NEGR1: variants seen among roughly 807,000 people sequenced by gnomAD.
NEGR1 encodes IgLON family member 4.
NEGR1 carries 10 observed loss-of-function variants against 40.9 expected under a neutral mutation model. The observed-to-expected ratio is 0.24, with a 90% CI of 0.15 to 0.42. The LOEUF is 0.42. Ranked by LOEUF, NEGR1 falls within the 10% of genes least tolerant of loss-of-function variation. The pLI, the probability that NEGR1 is intolerant of heterozygous loss-of-function variation, is 1.00. For missense variants in NEGR1, 352 were observed against 438.9 expected (o/e 0.80, Z 1.77); for synonymous variants, 185 against 166.8 (o/e 1.11, Z -0.84).
At chr1:71,939,735 A>G (rs1018357528) in intron 1 of NEGR1, among the ~76,000 whole-genome samples, 17 of 152,084 alleles carry the variant, frequency 1.1e-4, no homozygotes, top group African/African-American at 3.9e-4. Flanking sequence ...ATTCATACAC[A>G]TAGCTACTTG....
At chr1:72,076,162 C>T (rs1647723811) in intron 1 of NEGR1, among the ~76,000 whole-genome samples, 1 of 152,036 alleles carries the variant, frequency 6.6e-6, no homozygotes, top group African/African-American at 2.4e-5. Flanking sequence ...ATATTTGTGT[C>T]CCTCCCAAAT....
intron 4 of NEGR1, among the ~76,000 whole-genome samples, chr1:71,655,676 G>A (rs1481438641): frequency 6.6e-6 from 1 of 152,098 alleles, no homozygotes; most frequent in Non-Finnish European, 1.5e-5. Flanking sequence ...GGGTTGCAGG[G>A]CAATAGATAG....
At chr1:71,857,759 C>G (rs1659826930) in intron 2 of NEGR1, among the ~76,000 whole-genome samples, 1 of 150,956 alleles carries the variant, frequency 6.6e-6, no homozygotes, top group East Asian at 1.9e-4. Context: ...TATCTTTTGA[C>G]TGTGATATAT....
At chr1:71,575,794 AAAAACAAAAC>A (rs147061004) in intron 6 of NEGR1, among the ~76,000 whole-genome samples, 5 of 151,178 alleles carry the variant, frequency 3.3e-5, no homozygotes, top group African/African-American at 1.2e-4. Context: ...AAACAAAAAC[AAAAACAAAAC>A]AAAACAAAAC....
At chr1:71,573,711 CTT>C (rs899517238) in intron 6 of NEGR1, among the ~76,000 whole-genome samples, 2 of 152,076 alleles carry the variant, frequency 1.3e-5, no homozygotes, top group African/African-American at 4.8e-5. Flanking sequence ...GTTGTAGTCT[CTT>C]ATATTTTTTA....
intron 6 of NEGR1, among the ~76,000 whole-genome samples, chr1:71,503,777 C>T (rs889993663): frequency 1.2e-4 from 18 of 151,986 alleles, no homozygotes; most frequent in Admixed American, 1.2e-3. Flanking sequence ...CCAGCTTTTA[C>T]ACATGGGCTG....
At chr1:72,223,867 A>G (rs573769298) in intron 1 of NEGR1, among the ~76,000 whole-genome samples, 3 of 152,214 alleles carry the variant, frequency 2.0e-5, no homozygotes, top group African/African-American at 7.2e-5. Flanking sequence ...CAACATCCCC[A>G]TCTCCCAGCA....
intron 6 of NEGR1, among the ~76,000 whole-genome samples, chr1:71,430,639 T>G (rs185725330): frequency 1.8e-3 from 270 of 151,392 alleles, no homozygotes; most frequent in African/African-American, 5.5e-3. Context: ...TGAAGTGGTA[T>G]GTCTTATAGC....
intron 1 of NEGR1, among the ~76,000 whole-genome samples, chr1:71,970,525 T>C (rs1646247141): frequency 6.6e-6 from 1 of 151,410 alleles, no homozygotes; most frequent in South Asian, 2.1e-4. Context: ...ATCCCATCTC[T>C]ACTAAAAAAT....
chr1:71,586,294 A>C (rs1256251375), intron 6 of NEGR1, among the ~76,000 whole-genome samples: 1 of 152,122 alleles, frequency 6.6e-6, no homozygotes, highest in Non-Finnish European at 1.5e-5. Flanking sequence ...TTAGACAAGA[A>C]GTTTTCAAAA....
intron 6 of NEGR1, among the ~76,000 whole-genome samples, chr1:71,498,095 A>G (rs1413805647): frequency 1.3e-5 from 2 of 151,360 alleles, no homozygotes; most frequent in African/African-American, 4.9e-5. Context: ...GTCCTGTCTA[A>G]TAAAATATAC....
chr1:71,472,499 T>C (rs1171915427), intron 6 of NEGR1: 2 of 152,128 alleles, frequency 1.3e-5, no homozygotes, highest in African/African-American at 4.8e-5. Flanking sequence ...GACATATTGA[T>C]TTTTTCTTAG....
intron 3 of NEGR1, among the ~76,000 whole-genome samples, chr1:71,717,246 A>G (rs1268023898): frequency 1.3e-5 from 2 of 152,364 alleles, no homozygotes; most frequent in Admixed American, 1.3e-4. Flanking sequence ...TCAAGTGACA[A>G]TAGTTCCAGC....
chr1:71,707,676 T>TACAGCAGGCCTGGGG (rs1338977738), intron 3 of NEGR1, among the ~76,000 whole-genome samples: 1 of 152,038 alleles, frequency 6.6e-6, no homozygotes, highest in Non-Finnish European at 1.5e-5. Context: ...AGGGAGTCAT[T>TACAGCAGGCCTGGGG]ACAGCAGGCC....
chr1:72,119,103 A>T (rs1334597526), intron 1 of NEGR1, among the ~76,000 whole-genome samples: 1 of 151,896 alleles, frequency 6.6e-6, no homozygotes, highest in East Asian at 1.9e-4. Flanking sequence ...TATTTTCTTC[A>T]TCATGTTTCG....
At chr1:72,200,627 A>G (rs1322422938) in intron 1 of NEGR1, among the ~76,000 whole-genome samples, 2 of 151,964 alleles carry the variant, frequency 1.3e-5, no homozygotes, top group Middle Eastern at 3.2e-3. Context: ...CTGTACATGT[A>G]CCCCCAAACC....
chr1:72,210,210 G>C (rs1369766923), intron 1 of NEGR1, among the ~76,000 whole-genome samples: 1 of 151,604 alleles, frequency 6.6e-6, no homozygotes, highest in Admixed American at 6.6e-5. Flanking sequence ...TACTATTATG[G>C]CATTTGCACT....
chr1:71,963,132 T>C (rs1646180479), intron 1 of NEGR1, among the ~76,000 whole-genome samples: 1 of 152,074 alleles, frequency 6.6e-6, no homozygotes, highest in Non-Finnish European at 1.5e-5. Flanking sequence ...GGTAATCCTA[T>C]ACATAATATA....
chr1:71,622,868 C>T (rs1397717874), intron 4 of NEGR1, among the ~76,000 whole-genome samples: 2 of 151,842 alleles, frequency 1.3e-5, no homozygotes, highest in Non-Finnish European at 2.9e-5. Flanking sequence ...AATCCAAAGG[C>T]AGAAGGGAGC....
Sources: allele counts gnomAD v4.1 joint callset (sites outside exome capture counted in the v4.1 genomes callset), GRCh38; gene constraint gnomAD v4.1.1; transcripts MANE v1.5; gene names NCBI Gene and HGNC (gene_info 2026-07-23, HGNC 2026-07-21).